Variants in LAMA5 observed in about 807,000 individuals in gnomAD.
LAMA5 encodes the protein laminin subunit alpha 5, also known as laminin subunit alpha-5.
LAMA5 carries 260 observed loss-of-function variants against 433.4 expected under a neutral mutation model. That is an observed-to-expected ratio of 0.60 (90% CI 0.54 to 0.66). LAMA5 has a LOEUF of 0.66. Ranked by LOEUF, LAMA5 falls within the 30% of genes least tolerant of loss-of-function variation. The pLI, the probability that LAMA5 is intolerant of heterozygous loss-of-function variation, is 0.00. For synonymous variants in LAMA5, 2,620 were observed against 2,226.6 expected, an observed-to-expected ratio of 1.18 and a Z score of -4.97; for missense variants, 5,378 against 5,258.5, an observed-to-expected ratio of 1.02 and a Z score of -0.70.
chr20:62,348,458 T>C (rs187499595), intron 6 of LAMA5, among the ~76,000 whole-genome samples: 150 of 151,868 alleles, frequency 9.9e-4, no homozygotes, highest in African/African-American at 3.5e-3. Flanking sequence ...ATACAAAAAA[T>C]TAGCCGGGTG....
At chr20:62,332,171 C>A (rs1015790370) in intron 28 of LAMA5, among the ~76,000 whole-genome samples, 14 of 152,162 alleles carry the variant, frequency 9.2e-5, no homozygotes, top group African/African-American at 3.4e-4. Flanking sequence ...GCACATGGAA[C>A]AGCTCGGGGG....
intron 57 of LAMA5, chr20:62,316,352 A>G (rs1442898478): frequency 1.8e-6 from 1 of 544,512 alleles, no homozygotes; most frequent in Non-Finnish European, 3.3e-6. Flanking sequence ...CACCTTTCTC[A>G]TTGCGCAGCT....
chr20:62,313,369 C>T lies in LAMA5; in HGVS notation c.8750G>A (p.Arg2917Lys). 6 of 1,589,424 alleles carry T rather than the reference C, an allele frequency of 3.8e-6. No individual in the cohort carries two copies. The highest frequency in any genetic ancestry group is 5.1e-6 in the Non-Finnish European group (6 of 1,168,682). ...EEVVSLYNFE[R>K]TFQLDTAVDR... ...CACAGCCGTGTCCAGCTGGAAGGTC[C>T]TCTCGAAGTTGTAGAGGCTGACCAC... The change falls in exon 64 of 80, where the codon AGG becomes AAG. Residue 2917 changes from arginine to lysine, a missense_variant. Coordinates refer to ENST00000252999, the MANE Select transcript of LAMA5 (RefSeq NM_005560.6).
intron 48 of LAMA5, among the ~76,000 whole-genome samples, chr20:62,321,678 TG>T (rs1987806849): frequency 2.0e-5 from 1 of 48,874 alleles, no homozygotes; most frequent in Non-Finnish European, 3.8e-5. Flanking sequence ...GTGGGGTCAG[TG>T]GAGGGGTGGG....
rs772708717 is a variant in LAMA5 at position 62,309,997 on chromosome 20, G to A, written c.10819C>T (p.Arg3607Trp). The change falls in exon 78 of 80, where the codon CGG becomes TGG. Residue 3607 changes from arginine (R) to tryptophan (W), a missense_variant. Transcript: ENST00000252999. ...PSVLCDGQWH[R>W]LAVMKSGNVL... is the part of the protein sequence containing the mutation. Reference sequence around the variant, plus strand: ...ACAGGAGGGGCCTCACCCGCTAGCCGGTGCCACTGGCCATCACACAGCACT... The same window carrying A: ...ACAGGAGGGGCCTCACCCGCTAGCCAGTGCCACTGGCCATCACACAGCACT... The A allele has an allele frequency of 1.7e-5, 27 of 1,610,646 alleles. No individual in the cohort carries two copies. Among genetic ancestry groups the A allele is most frequent in the African/African-American group, 9.3e-5 (7 of 74,916 alleles).
intron 45 of LAMA5, 74 bp downstream of exon 45, chr20:62,323,382 G>C (rs1300796507): frequency 5.7e-6 from 7 of 1,227,634 alleles, no homozygotes; most frequent in Middle Eastern, 5.6e-4. Flanking sequence ...CCTACTTACG[G>C]GGTACGCCCA....
intron 45 of LAMA5, among the ~76,000 whole-genome samples, chr20:62,323,085 G>C (rs185762414): frequency 0.02 from 2,487 of 126,900 alleles, 47 homozygotes; most frequent in Non-Finnish European, 0.029. Flanking sequence ...GGTGGGGGGG[G>C]CGCTGGTCAT....
chr20:62,315,308 C>G, intron 58 of LAMA5, 101 bp from the exon 59 acceptor site: 1 of 1,035,000 alleles, frequency 9.7e-7, no homozygotes, highest in Non-Finnish European at 1.4e-6. Context: ...GACATCCAAC[C>G]CCCTATGGAT....
rs149760615 is a variant in LAMA5, at chr20:62,335,244, T to C, written c.2349A>G (p.Thr783=). The C allele has an allele frequency of 9.4e-5, 151 of 1,612,552 alleles. No individual in the cohort carries two copies. The African/African-American group carries it at 1.9e-3, about 20-fold the overall frequency. ...CTRCSCDLRG[T]LGGVAECQPG... ...GCTGGCACTCAGCAACTCCACCCAGTGTGCCCCTGAGGTCGCAGCTGCAGC... is the reference window on the plus strand; with the variant it reads ...GCTGGCACTCAGCAACTCCACCCAGCGTGCCCCTGAGGTCGCAGCTGCAGC... The change falls in exon 19 of 80, where the codon ACA becomes ACG. Residue 783 remains threonine (T), a synonymous_variant. Coordinates refer to ENST00000252999, the MANE Select transcript of LAMA5 (RefSeq NM_005560.6).
At chr20:62,349,922 G>T (rs1358082418) in intron 6 of LAMA5, among the ~76,000 whole-genome samples, 1 of 150,358 alleles carries the variant, frequency 6.7e-6, no homozygotes, top group Non-Finnish European at 1.5e-5. Context: ...GAAAATTGCT[G>T]GCTGATGACA....
chr20:62,367,068 C>T lies in LAMA5; in HGVS notation c.178G>A (p.Ala60Thr). Residue 60 changes from alanine (A) to threonine (T), a missense_variant, in exon 1 of 80, where the codon GCC (alanine) becomes ACC (threonine). By Grantham distance (58) the Ala-to-Thr change is moderately conservative. Transcript: ENST00000252999. ...FNLAEGARIAASATCGEEAPA... is the reference protein window; with the variant it reads ...FNLAEGARIATSATCGEEAPA... ...GCCTCCTCTCCGCAGGTCGCGGAGG[C>T]GGCGATGCGGGCGCCCTCGGCCAGG... 7.9e-7 allele frequency: 1 copy of T among 1,261,448 alleles called. No individual in the cohort carries two copies. Among genetic ancestry groups the T allele is most frequent in the South Asian group, 3.1e-5 (1 of 32,032 alleles). 78.1% of individuals were successfully genotyped at this position (1,261,448 alleles called of 1,614,324 possible). A position where few individuals can be genotyped will look rare whatever the true frequency, so the allele number is the denominator to read the frequency against.
rs779637466 is a variant in LAMA5, at chr20:62,367,024, C to T, written c.222G>A (p.Pro74=). 8 of 1,275,770 alleles carry T rather than the reference C, an allele frequency of 6.3e-6. No individual in the cohort carries two copies. In the East Asian group the frequency reaches 9.0e-5, roughly 14 times the overall value. 79.0% of individuals were successfully genotyped at this position (1,275,770 alleles called of 1,614,324 possible). A position where few individuals can be genotyped will look rare whatever the true frequency, so the allele number is the denominator to read the frequency against. Residue 74 remains proline (P), a synonymous_variant, in exon 1 of 80, where the codon CCG becomes CCA. Transcript: ENST00000252999. ...CGEEAPARGS[P]RPTEDLYCKL... Reference sequence around the variant, plus strand: ...TGCAGTAAAGGTCCTCGGTGGGGCGCGGGGAGCCGCGCGCCGGGGCCTCCT... The same window carrying T: ...TGCAGTAAAGGTCCTCGGTGGGGCGTGGGGAGCCGCGCGCCGGGGCCTCCT...
intron 35 of LAMA5, 67 bp downstream of exon 35, chr20:62,328,174 T>C: frequency 1.3e-6 from 2 of 1,520,402 alleles, no homozygotes; most frequent in South Asian, 2.5e-5. Context: ...GCCAGGACCC[T>C]CTGGCTAGAG....
intron 57 of LAMA5, chr20:62,316,328 G>T: frequency 1.8e-6 from 1 of 561,600 alleles, no homozygotes; most frequent in East Asian, 2.9e-5. Context: ...CAGCCCTCTG[G>T]TCCTAGCAGC....
intron 75 of LAMA5, 28 bp from the exon 76 acceptor site, chr20:62,310,600 G>C: frequency 6.4e-7 from 1 of 1,573,048 alleles, no homozygotes; most frequent in Non-Finnish European, 8.6e-7. Flanking sequence ...GCAGGGATCA[G>C]GGCCCAGGGC....
chr20:62,334,182 C>G lies in LAMA5; in HGVS notation c.2739+4G>C. The G allele has an allele frequency of 6.2e-7, 1 of 1,611,158 alleles. No individual in the cohort carries two copies. Among genetic ancestry groups the G allele is most frequent in the Non-Finnish European group, 8.5e-7 (1 of 1,178,676 alleles). On this transcript the variant is annotated splice_donor_region_variant and intron_variant, in intron 22 of 79. Coordinates refer to ENST00000252999, the MANE Select transcript of LAMA5 (RefSeq NM_005560.6). ...GAGCCTGGGAGGGGGAGCACAGCGCCCACCTGGACAGGTGCCATCTGCGCG... is the reference window on the plus strand; with the variant it reads ...GAGCCTGGGAGGGGGAGCACAGCGCGCACCTGGACAGGTGCCATCTGCGCG...
chr20:62,344,505 G>A (rs1399496796), intron 11 of LAMA5, among the ~76,000 whole-genome samples: 1 of 151,992 alleles, frequency 6.6e-6, no homozygotes, highest in African/African-American at 2.4e-5. Flanking sequence ...TGTCACCTAG[G>A]CTGGAGTGTG....
chr20:62,317,345 C>G lies in LAMA5; in HGVS notation c.7511G>C (p.Ser2504Thr), dbSNP rs950353505. The G allele has an allele frequency of 1.2e-6, 2 of 1,606,214 alleles. No homozygotes were observed. Among genetic ancestry groups the G allele is most frequent in the African/African-American group, 1.3e-5 (1 of 74,962 alleles). Residue 2504 changes from serine to threonine, a missense_variant and splice_region_variant, in exon 55 of 80, where the codon AGC becomes ACC. Coordinates refer to ENST00000252999, the MANE Select transcript of LAMA5 (RefSeq NM_005560.6). ...GGCCCCTCCTCTCCTGGCCACCCACCTGGACAGATTGAGTGCCAGCTGGCC... is the reference window on the plus strand; with the variant it reads ...GGCCCCTCCTCTCCTGGCCACCCACGTGGACAGATTGAGTGCCAGCTGGCC... ...QLGQLALNLS[S>T]IILDVNQDRL... is the part of the protein sequence containing the mutation.
rs746320156 is a variant in LAMA5, at chr20:62,326,699, C to A, written c.5276G>T (p.Arg1759Leu). Residue 1759 changes from arginine (R) to leucine (L), a missense_variant, in exon 40 of 80, where the codon CGT (arginine) becomes CTT (leucine). Transcript: ENST00000252999. ...CACCTCCACCAGCTGCAGCTGCCCA[C>A]GGTGAACGTGGCCAGGCGTGGGGTA... ...PAYPTPGHVHRGQLQLVEGNF... is the reference protein window; with the variant it reads ...PAYPTPGHVHLGQLQLVEGNF... The A allele has an allele frequency of 1.1e-5, 17 of 1,612,576 alleles. No individual in the cohort carries two copies. In the South Asian group the frequency reaches 1.1e-4, roughly 10 times the overall value.
Sources: allele counts gnomAD v4.1 joint callset (sites outside exome capture counted in the v4.1 genomes callset), GRCh38; gene constraint gnomAD v4.1.1; transcripts MANE v1.5; gene names NCBI Gene and HGNC (gene_info 2026-07-23, HGNC 2026-07-21).